GPHN: variants seen among roughly 807,000 people sequenced by gnomAD.
The protein encoded by GPHN is gephyrin.
In GPHN, 17 loss-of-function variants were observed where a neutral mutation model predicts 95.5. The ratio of observed to expected loss-of-function variants is 0.18; its 90% CI spans 0.12 to 0.27. The LOEUF (loss-of-function observed/expected upper bound fraction) is 0.27, where lower values mean the gene tolerates loss of function less well. GPHN is among the 10% of genes least tolerant of loss of function. The pLI is 1.00. For synonymous variants in GPHN, 320 were observed against 322.5 expected, an observed-to-expected ratio of 0.99 and a Z score of 0.08; for missense variants, 660 against 978.1, an observed-to-expected ratio of 0.67 and a Z score of 4.34.
In GPHN at chr14:67,058,570, G is replaced by A. The variant is rs1468570612; in HGVS notation, c.1007-79G>A. On this transcript the variant is annotated intron_variant, in intron 10 of 22. Transcript: ENST00000478722. The stretch of plus-strand genomic sequence containing the variant: ...CATCTGGGGACATTTGAAATTGGGA[G>A]TTGTGATATTATAAGTCATTGCCAC... 1.6e-5 allele frequency: 20 copies of A among 1,216,172 alleles called. No homozygotes were observed. The Admixed American group carries it at 3.4e-4, about 20-fold the overall frequency. The allele number at this position is 1,216,172 out of a possible 1,614,324, so 75.3% of individuals were successfully genotyped here. A position where few individuals can be genotyped will look rare whatever the true frequency, so the allele number is the denominator to read the frequency against.
chr14:66,809,988 G>T (rs550888686), intron 3 of GPHN, among the ~76,000 whole-genome samples: 9 of 151,772 alleles, frequency 5.9e-5, no homozygotes, highest in African/African-American at 2.2e-4. Context: ...AGAGTTCTTG[G>T]CTCTCTTTGA....
chr14:67,110,538 C>G (rs2078307280), intron 14 of GPHN, among the ~76,000 whole-genome samples: 1 of 151,974 alleles, frequency 6.6e-6, no homozygotes, highest in Non-Finnish European at 1.5e-5. Context: ...CACATGCAAA[C>G]AACGAAAGAA....
intron 6 of GPHN, 85 bp downstream of exon 6, chr14:66,916,154 C>T (rs1225306556): frequency 2.5e-6 from 2 of 811,406 alleles, no homozygotes; most frequent in Non-Finnish European, 2.2e-6. Flanking sequence ...TTGGAGCACT[C>T]CACAAGACTG....
At chr14:66,824,772 A>G (rs1356540259) in intron 4 of GPHN, among the ~76,000 whole-genome samples, 1 of 152,154 alleles carries the variant, frequency 6.6e-6, no homozygotes, top group Non-Finnish European at 1.5e-5. Flanking sequence ...GAAGTGATAG[A>G]ATATGAGGAA....
chr14:67,302,002 G>A, the GPHN span: 1 of 1,607,204 alleles, frequency 6.2e-7, no homozygotes, highest in Admixed American at 1.7e-5. Context: ...TAAGGTTGCT[G>A]AGCAGGAAAT....
rs555758376 is a variant in GPHN at position 66,660,645 on chromosome 14, A to G, written c.65-20462A>G. ...AAAGTACTTCCAGTGGGGCGCCAAG[A>G]TGGCCAACTAAAAGCAGCTATGGTG... On this transcript the variant is annotated intron_variant, in intron 1 of 22. Coordinates refer to ENST00000478722, the MANE Select transcript of GPHN (RefSeq NM_020806.5). Among the ~76,000 whole-genome samples the G allele has an allele frequency of 2.6e-5, 4 of 152,258 alleles. No individual in the cohort carries two copies. The South Asian group carries it at 8.3e-4, about 32-fold the overall frequency.
chr14:67,466,858 G>A, the GPHN span, among the ~76,000 whole-genome samples: 1 of 152,012 alleles, frequency 6.6e-6, no homozygotes, highest in Non-Finnish European at 1.5e-5. Flanking sequence ...AGCCGAGCAT[G>A]GTGGCACGGG....
intron 12 of GPHN, among the ~76,000 whole-genome samples, chr14:67,095,673 G>T (rs1013116008): frequency 1.3e-5 from 2 of 151,148 alleles, no homozygotes; most frequent in Non-Finnish European, 3.0e-5. Flanking sequence ...GTAAACTATC[G>T]CAAGGACAAA....
At chr14:66,947,744 G>A (rs1254098051) in intron 8 of GPHN, among the ~76,000 whole-genome samples, 3 of 152,116 alleles carry the variant, frequency 2.0e-5, no homozygotes, top group Non-Finnish European at 4.4e-5. Flanking sequence ...GATTGCTTGA[G>A]GCCAAGAGTT....
chr14:66,637,869 G>T (rs549109453), intron 1 of GPHN, among the ~76,000 whole-genome samples: 1 of 152,030 alleles, frequency 6.6e-6, no homozygotes, highest in South Asian at 2.1e-4. Flanking sequence ...CAACACCAAG[G>T]TCCATTGGAT....
the GPHN span, chr14:67,454,249 A>T: frequency 6.6e-6 from 1 of 152,248 alleles, no homozygotes; most frequent in African/African-American, 2.4e-5. Flanking sequence ...GACACAAATC[A>T]TGAGCACCTA....
chr14:67,209,635 T>C, the GPHN span, among the ~76,000 whole-genome samples: 3 of 151,172 alleles, frequency 2.0e-5, no homozygotes, highest in Non-Finnish European at 4.4e-5. Flanking sequence ...CTGGCCAACA[T>C]GGTGAAACCC....
At chr14:66,632,410 C>G (rs1002475710) in intron 1 of GPHN, among the ~76,000 whole-genome samples, 6 of 151,866 alleles carry the variant, frequency 4.0e-5, no homozygotes, top group Non-Finnish European at 7.4e-5. Flanking sequence ...TTGATCCAGG[C>G]GCAGATTTGC....
chr14:67,186,105 G>T (rs533376363), downstream of GPHN, among the ~76,000 whole-genome samples: 53 of 152,038 alleles, frequency 3.5e-4, no homozygotes, highest in Non-Finnish European at 5.9e-4. Context: ...TATTTCTCCT[G>T]CAGTCTTTTG....
the GPHN span, chr14:67,338,775 G>C: frequency 6.3e-7 from 1 of 1,599,694 alleles, no homozygotes; most frequent in African/African-American, 1.3e-5. Context: ...GTAAAATACA[G>C]GTGGGGGTGG....
intron 1 of GPHN, among the ~76,000 whole-genome samples, chr14:66,657,238 G>A (rs568557819): frequency 1.3e-5 from 2 of 152,330 alleles, no homozygotes; most frequent in East Asian, 3.9e-4. Context: ...GCCCTACAAA[G>A]GCTAAGTGAG....
rs533842827 is a variant in GPHN at position 66,884,300 on chromosome 14, C to G, written c.389+4267C>G. ...CTGACTTCAGTCCCAAATCTGCCTG[C>G]TATTATTTACATTAAACGTCATCAG... On this transcript the variant is annotated intron_variant, in intron 5 of 22. Transcript: ENST00000478722. 6.6e-5 allele frequency among the ~76,000 whole-genome samples: 10 copies of G among 152,144 alleles called. 1 individual carries two copies. The South Asian group carries it at 2.1e-3, about 32-fold the overall frequency.
rs199818773 is a variant in GPHN, at chr14:66,633,261, C to T, written c.65-47846C>T. Among the ~76,000 whole-genome samples, 4 of 79,854 alleles carry T rather than the reference C, an allele frequency of 5.0e-5. No individual in the cohort carries two copies. The African/African-American group carries it at 7.1e-4, about 14-fold the overall frequency. 52.4% of individuals were successfully genotyped at this position (79,854 alleles called of 152,430 possible). On this transcript the variant is annotated intron_variant, in intron 1 of 22. Transcript: ENST00000478722. ...ATTCTGTTATTCTATGTATGTACTTCAATTTCTTATAAGAAAAACAGCACA... is the reference window on the plus strand; with the variant it reads ...ATTCTGTTATTCTATGTATGTACTTTAATTTCTTATAAGAAAAACAGCACA...
chr14:67,597,260 T>C, the GPHN span, among the ~76,000 whole-genome samples: 4 of 152,220 alleles, frequency 2.6e-5, no homozygotes, highest in African/African-American at 9.6e-5. Context: ...GGGGGATCGC[T>C]TGAGGCCAGG....
Sources: allele counts gnomAD v4.1 joint callset (sites outside exome capture counted in the v4.1 genomes callset), GRCh38; gene constraint gnomAD v4.1.1; transcripts MANE v1.5; gene names NCBI Gene and HGNC (gene_info 2026-07-23, HGNC 2026-07-21).